XCR1: variants seen among roughly 807,000 people sequenced by gnomAD.
XCR1 encodes X-C motif chemokine receptor 1.
For missense variants in XCR1, 356 were observed against 424.2 expected (o/e 0.84, Z 1.41); for synonymous variants, 187 against 188.5 (o/e 0.99, Z 0.06).
rs1697825551 is a variant in XCR1, at chr3:46,054,918, G to A, written c.-182-848C>T. Among the ~76,000 whole-genome samples the A allele has an allele frequency of 4.6e-5, 7 of 152,292 alleles. No homozygotes were observed. The South Asian group carries it at 1.2e-3, about 27-fold the overall frequency. On this transcript the variant is annotated intron_variant, in intron 4 of 5. Transcript: ENST00000683768. ...CGGATGATCAGTCAAATGCACCTAG[G>A]AGCCAATGGTCAGCCAAGATCAGGA... is the stretch of plus-strand genomic sequence containing the variant.
chr3:46,050,565 T>C (rs1439934612), intron 5 of XCR1, among the ~76,000 whole-genome samples: 1 of 152,172 alleles, frequency 6.6e-6, no homozygotes, highest in Non-Finnish European at 1.5e-5. Context: ...AAGAATATCA[T>C]CCATAAAATG....
chr3:46,038,242 T>C (rs930124914), intron 5 of XCR1, among the ~76,000 whole-genome samples: 14 of 152,070 alleles, frequency 9.2e-5, no homozygotes, highest in Admixed American at 9.2e-4. Flanking sequence ...TGTCTGGAAT[T>C]CCTGACCTCA....
At chr3:46,083,221 G>C (rs1698408842) in intron 1 of XCR1, among the ~76,000 whole-genome samples, 1 of 152,124 alleles carries the variant, frequency 6.6e-6, no homozygotes. Flanking sequence ...TAACATTTCT[G>C]ACCCATTGAT....
At chr3:46,083,776 C>G (rs943955833) in intron 1 of XCR1, among the ~76,000 whole-genome samples, 6 of 152,170 alleles carry the variant, frequency 3.9e-5, no homozygotes, top group Non-Finnish European at 8.8e-5. Context: ...GCAAATACCT[C>G]TTGTTGTATA....
intron 4 of XCR1, among the ~76,000 whole-genome samples, chr3:46,057,882 G>GTCCATCTATCTA (rs1027471283): frequency 1.3e-4 from 17 of 134,800 alleles, no homozygotes; most frequent in African/African-American, 5.4e-4. Context: ...TTATCTGTCT[G>GTCCATCTATCTA]TCTATCTATC....
At chr3:46,050,943 G>A (rs943321531) in intron 5 of XCR1, among the ~76,000 whole-genome samples, 3 of 152,148 alleles carry the variant, frequency 2.0e-5, no homozygotes, top group Admixed American at 6.5e-5. Flanking sequence ...ACAAATACCG[G>A]TGAATTCCAG....
intron 3 of XCR1, among the ~76,000 whole-genome samples, chr3:46,071,098 T>C (rs145293187): frequency 6.6e-6 from 1 of 152,238 alleles, no homozygotes; most frequent in East Asian, 1.9e-4. Flanking sequence ...TTGCAACTGA[T>C]ACCACAGAAA....
At chr3:46,041,083 A>G (rs62242833) in intron 5 of XCR1, among the ~76,000 whole-genome samples, 31,836 of 152,062 alleles carry the variant, frequency 0.21, 3,508 homozygotes, top group East Asian at 0.26. Context: ...AGCAGCGTAT[A>G]GTTTTATAAA....
At chr3:46,064,451 T>C (rs1023777579) in intron 4 of XCR1, among the ~76,000 whole-genome samples, 3 of 152,204 alleles carry the variant, frequency 2.0e-5, no homozygotes, top group Non-Finnish European at 4.4e-5. Context: ...AGGTTAAATA[T>C]GGCTGCAAAT....
chr3:46,054,306 C>G (rs1251945353), intron 4 of XCR1, among the ~76,000 whole-genome samples: 1 of 152,092 alleles, frequency 6.6e-6, no homozygotes, highest in Non-Finnish European at 1.5e-5. Context: ...TAGATAACCT[C>G]AAGGAGCTTG....
At chr3:46,071,015 C>T (rs1419804305) in intron 3 of XCR1, among the ~76,000 whole-genome samples, 1 of 151,928 alleles carries the variant, frequency 6.6e-6, no homozygotes, top group East Asian at 1.9e-4. Flanking sequence ...ATCTTTAGTA[C>T]TCCTTTGAGC....
intron 4 of XCR1, among the ~76,000 whole-genome samples, chr3:46,063,684 C>T (rs1698009114): frequency 6.6e-6 from 1 of 152,184 alleles, no homozygotes; most frequent in Non-Finnish European, 1.5e-5. Context: ...TGCCCTTGCC[C>T]ACTGCACTGT....
intron 5 of XCR1, among the ~76,000 whole-genome samples, chr3:46,050,461 C>T (rs1233257828): frequency 6.6e-6 from 1 of 152,194 alleles, no homozygotes; most frequent in Non-Finnish European, 1.5e-5. Flanking sequence ...GTTGTTTGCA[C>T]TTTCTCTGGA....
chr3:46,041,079 G>T (rs529679066), intron 5 of XCR1, among the ~76,000 whole-genome samples: 1 of 152,046 alleles, frequency 6.6e-6, no homozygotes, highest in African/African-American at 2.4e-5. Flanking sequence ...ATTGAGCAGC[G>T]TATAGTTTTA....
intron 5 of XCR1, among the ~76,000 whole-genome samples, chr3:46,051,958 G>A (rs530190652): frequency 1.1e-4 from 17 of 152,150 alleles, no homozygotes; most frequent in African/African-American, 3.6e-4. Context: ...CCCGGGAGGC[G>A]GAGCTTGCAG....
chr3:46,062,748 A>G (rs1447094557), intron 4 of XCR1, among the ~76,000 whole-genome samples: 1 of 152,240 alleles, frequency 6.6e-6, no homozygotes, highest in Non-Finnish European at 1.5e-5. Context: ...CCAGGAGGCA[A>G]CAGGGCCTTG....
At chr3:46,055,191 C>T (rs1697831600) in intron 4 of XCR1, among the ~76,000 whole-genome samples, 3 of 152,166 alleles carry the variant, frequency 2.0e-5, no homozygotes. Context: ...TTCTTTGTAA[C>T]CAAAAGTCAC....
intron 4 of XCR1, among the ~76,000 whole-genome samples, chr3:46,057,440 G>A (rs1019164051): frequency 6.6e-6 from 1 of 152,134 alleles, no homozygotes; most frequent in Admixed American, 6.5e-5. Flanking sequence ...AATTTCATGG[G>A]TTTCCACATA....
intron 2 of XCR1, among the ~76,000 whole-genome samples, chr3:46,075,609 T>G (rs911044850): frequency 5.3e-5 from 8 of 152,116 alleles, no homozygotes; most frequent in Non-Finnish European, 2.9e-5. Context: ...GGAGAAAATA[T>G]TTTCCAACCA....
Sources: gnomAD v4.1 joint callset for allele counts (sites outside exome capture counted in the v4.1 genomes callset) on GRCh38, gnomAD v4.1.1 for gene constraint, MANE v1.5 for transcripts, NCBI Gene and HGNC (gene_info 2026-07-23, HGNC 2026-07-21) for gene names.